The following C2orf80 variants were observed in gnomAD, a reference collection of about 807,000 sequenced individuals.
C2orf80 encodes chromosome 2 open reading frame 80.
C2orf80 carries 28 observed loss-of-function variants against 30.2 expected under a neutral mutation model. The observed-to-expected ratio is 0.93, with a 90% confidence interval of 0.69 to 1.27. The LOEUF (loss-of-function observed/expected upper bound fraction) is 1.27, where lower values mean the gene tolerates loss of function less well. C2orf80 is among the 50% of genes most tolerant of loss of function. C2orf80 has a pLI of 0.00. For synonymous variants in C2orf80, 80 were observed against 76.4 expected, an observed-to-expected ratio of 1.05 and a Z score of -0.24; for missense variants, 220 against 231.0, an observed-to-expected ratio of 0.95 and a Z score of 0.31.
In C2orf80 at chr2:208,185,030, C is replaced by T. The variant is rs2105913217; in HGVS notation, c.44G>A (p.Gly15Glu). The T allele has an allele frequency of 6.2e-7, 1 of 1,613,146 alleles. No homozygotes were observed. The highest frequency in any genetic ancestry group is 8.5e-7 in the Non-Finnish European group (1 of 1,179,250). ...LIKKEMKKLL[G>E]DYIGIRLREN... ...CCGAAGTCTGATGCCAATATAATCT[C>T]CCCTTAAAAGCAAGAGAGCAGCATT... The change falls in exon 3 of 9, where the codon GGA becomes GAA. Residue 15 changes from glycine (G) to glutamate (E), a missense_variant and splice_region_variant. Gly to Glu is a moderately conservative substitution (Grantham distance 98). Coordinates refer to ENST00000341287, the MANE Select transcript of C2orf80 (RefSeq NM_001099334.3).
intron 4 of C2orf80, among the ~76,000 whole-genome samples, chr2:208,181,977 A>G (rs558388884): frequency 2.6e-4 from 39 of 152,298 alleles, no homozygotes; most frequent in African/African-American, 9.4e-4. Context: ...CAAGGGCAAT[A>G]AAATCTACTC....
intron 1 of C2orf80, chr2:208,189,728 A>G: frequency 1.8e-6 from 1 of 547,476 alleles, no homozygotes; most frequent in South Asian, 2.4e-5. Context: ...AGCACACACA[A>G]AAGAGGTACT....
Position 208,165,779 on chromosome 2 carries a change from T to G in C2orf80, c.*28A>C. ...TCGTCTGCTCCCAGAGAATCTATTATGAAGTTCCATGGTACAATTCCAATT... is the reference window on the plus strand; with the variant it reads ...TCGTCTGCTCCCAGAGAATCTATTAGGAAGTTCCATGGTACAATTCCAATT... On this transcript the variant is annotated 3_prime_UTR_variant, in exon 9 of 9. Coordinates refer to ENST00000341287, the MANE Select transcript of C2orf80 (RefSeq NM_001099334.3). 6.2e-7 allele frequency: 1 copy of G among 1,612,542 alleles called. No homozygotes were observed. Among genetic ancestry groups the G allele is most frequent in the Non-Finnish European group, 8.5e-7 (1 of 1,179,618 alleles).
chr2:208,179,634 G>A (rs1289039987), intron 6 of C2orf80, among the ~76,000 whole-genome samples: 3 of 151,742 alleles, frequency 2.0e-5, no homozygotes, highest in Non-Finnish European at 2.9e-5. Context: ...ATATTTAAAT[G>A]TTTACTTAAT....
chr2:208,172,473 C>A (rs937101358), intron 6 of C2orf80, among the ~76,000 whole-genome samples: 1 of 152,150 alleles, frequency 6.6e-6, no homozygotes, highest in Non-Finnish European at 1.5e-5. Flanking sequence ...TGGCACAGTT[C>A]CCCCTGCCTA....
chr2:208,168,196 T>A (rs1003115111), intron 8 of C2orf80, among the ~76,000 whole-genome samples: 13 of 152,176 alleles, frequency 8.5e-5, no homozygotes, highest in African/African-American at 3.1e-4. Context: ...TATATGTATA[T>A]GTGTAGCAAA....
intron 1 of C2orf80, among the ~76,000 whole-genome samples, chr2:208,189,320 C>T (rs1299578985): frequency 6.6e-6 from 1 of 152,134 alleles, no homozygotes; most frequent in Non-Finnish European, 1.5e-5. Context: ...GATCATCCCT[C>T]ATCCTCCCCA....
chr2:208,177,012 C>CAT (rs1559340807), intron 6 of C2orf80, among the ~76,000 whole-genome samples: 111 of 26,308 alleles, frequency 4.2e-3, no homozygotes, highest in South Asian at 6.6e-3. Flanking sequence ...TACATATATA[C>CAT]AGATACATAT....
chr2:208,173,188 T>C (rs2105896049), intron 6 of C2orf80, among the ~76,000 whole-genome samples: 1 of 151,622 alleles, frequency 6.6e-6, no homozygotes, highest in East Asian at 1.9e-4. Flanking sequence ...CATTGTGGTA[T>C]ATTCCTAGAG....
intron 1 of C2orf80, among the ~76,000 whole-genome samples, chr2:208,189,723 A>C (rs2105918103): frequency 6.6e-6 from 1 of 152,368 alleles, no homozygotes; most frequent in South Asian, 2.1e-4. Flanking sequence ...CTGAAAGCAC[A>C]CACAAAAGAG....
intron 2 of C2orf80, 61 bp from the exon 3 acceptor site, chr2:208,185,093 A>C: frequency 7.5e-7 from 1 of 1,332,468 alleles, no homozygotes; most frequent in Non-Finnish European, 1.1e-6. Flanking sequence ...CTGCAGAAAA[A>C]GGCTTTTTTT....
chr2:208,175,419 A>T (rs6739379), intron 6 of C2orf80, among the ~76,000 whole-genome samples: 56,649 of 152,086 alleles, frequency 0.37, 12,004 homozygotes, highest in East Asian at 0.74. Context: ...AAAAGCTCCC[A>T]ATCAGCAAAA....
At chr2:208,188,108 G>A (rs1170143239) in intron 1 of C2orf80, among the ~76,000 whole-genome samples, 1 of 151,780 alleles carries the variant, frequency 6.6e-6, no homozygotes, top group African/African-American at 2.4e-5. Context: ...GTGTGTGTGT[G>A]TGTGTGTGTG....
At chr2:208,182,700 C>A (rs1372646708) in intron 4 of C2orf80, among the ~76,000 whole-genome samples, 1 of 152,180 alleles carries the variant, frequency 6.6e-6, no homozygotes, top group South Asian at 2.1e-4. Context: ...CGCGCCCGGC[C>A]CCTTAAGACA....
At position 208,166,981 on chromosome 2, in the gene C2orf80, A is replaced by G. The variant is rs186216160; in HGVS notation, c.574-1166T>C. On this transcript the variant is annotated intron_variant, in intron 8 of 8. Coordinates refer to ENST00000341287, the MANE Select transcript of C2orf80 (RefSeq NM_001099334.3). ...GACACTTTTCTAAGCCTTTACACAT[A>G]TAACTTATTTAATGCTTATAACAAC... Among the ~76,000 whole-genome samples the G allele has an allele frequency of 4.2e-3, 632 of 152,186 alleles. 3 individuals carry two copies. Among genetic ancestry groups the G allele is most frequent in the Non-Finnish European group, 6.4e-3 (432 of 68,008 alleles).
chr2:208,186,147 C>T (rs979698251), intron 2 of C2orf80, among the ~76,000 whole-genome samples: 6 of 152,134 alleles, frequency 3.9e-5, no homozygotes, highest in South Asian at 2.1e-4. Flanking sequence ...TATGTGTACA[C>T]GTGTACTATA....
chr2:208,188,982 T>C (rs988427927), intron 1 of C2orf80, among the ~76,000 whole-genome samples: 6 of 152,300 alleles, frequency 3.9e-5, no homozygotes, highest in African/African-American at 1.4e-4. Context: ...GCCACACTCA[T>C]TGATGTGGCT....
chr2:208,175,881 G>A (rs1424903653), intron 6 of C2orf80, among the ~76,000 whole-genome samples: 1 of 152,052 alleles, frequency 6.6e-6, no homozygotes, highest in African/African-American at 2.4e-5. Flanking sequence ...AATTCAAAAT[G>A]TGGCAAAAGT....
At chr2:208,188,447 GA>G (rs1289636764) in intron 1 of C2orf80, among the ~76,000 whole-genome samples, 1 of 149,980 alleles carries the variant, frequency 6.7e-6, no homozygotes, top group Non-Finnish European at 1.5e-5. Flanking sequence ...CATTATTTTG[GA>G]TTTTTTTTTT....
Sources: gnomAD v4.1 joint callset for allele counts (sites outside exome capture counted in the v4.1 genomes callset) on GRCh38, gnomAD v4.1.1 for gene constraint, MANE v1.5 for transcripts, NCBI Gene and HGNC (gene_info 2026-07-23, HGNC 2026-07-21) for gene names.